Variants in PHAX observed in about 807,000 individuals in gnomAD.
PHAX encodes the protein phosphorylated adaptor for RNA export.
PHAX carries 31 observed loss-of-function variants against 41.6 expected under a neutral mutation model. The ratio of observed to expected loss-of-function variants is 0.75; its 90% CI spans 0.56 to 1.01. PHAX has a LOEUF of 1.01. Among genes scored for constraint, PHAX ranks in the 50% least tolerant of loss-of-function variants. The pLI, the probability that PHAX is intolerant of heterozygous loss-of-function variation, is 0.00. For synonymous variants in PHAX, 175 were observed against 164.9 expected (o/e 1.06, Z -0.47); for missense variants, 453 against 472.9 (o/e 0.96, Z 0.39).
chr5:126,607,424 G>GTT (rs935286410), intron 2 of PHAX, among the ~76,000 whole-genome samples: 8 of 113,134 alleles, frequency 7.1e-5, no homozygotes, highest in African/African-American at 2.7e-4. Context: ...TTGAGACGGA[G>GTT]TTTCACTCTC....
chr5:126,602,051 T>TA (rs1472651138), intron 1 of PHAX, among the ~76,000 whole-genome samples: 1 of 152,212 alleles, frequency 6.6e-6, no homozygotes, highest in African/African-American at 2.4e-5. Flanking sequence ...CCTCAGGTGA[T>TA]CCGCCCGCCT....
chr5:126,601,322 C>G (rs1243212166), intron 1 of PHAX, among the ~76,000 whole-genome samples: 1 of 151,792 alleles, frequency 6.6e-6, no homozygotes, highest in Non-Finnish European at 1.5e-5. Flanking sequence ...GAACTGGCTG[C>G]TCCCTGCGAG....
At chr5:126,601,121 G>A (rs1008026125) in intron 1 of PHAX, 63 bp downstream of exon 1, 2 of 1,235,820 alleles carry the variant, frequency 1.6e-6, no homozygotes, top group African/African-American at 1.5e-5. Context: ...CCCGGGGAGC[G>A]CGCAGGCAGC....
At chr5:126,609,205 A>G (rs945857367) in intron 3 of PHAX, among the ~76,000 whole-genome samples, 11 of 149,360 alleles carry the variant, frequency 7.4e-5, no homozygotes, top group African/African-American at 2.5e-4. Flanking sequence ...AGTTCAAGCA[A>G]TTCTCCTGCC....
rs1452210058 is a variant in PHAX at position 126,611,491 on chromosome 5, A to G, written c.831+3007A>G. On this transcript the variant is annotated intron_variant, in intron 3 of 4. Transcript: ENST00000297540. ...TCTATAAACAATAAATATAACTTCA[A>G]GTATGTTAAAAAGTGATACATTGAC... 2.6e-5 allele frequency among the ~76,000 whole-genome samples: 4 copies of G among 152,202 alleles called. No individual in the cohort carries two copies. The East Asian group carries it at 7.7e-4, about 29-fold the overall frequency.
intron 3 of PHAX, among the ~76,000 whole-genome samples, chr5:126,615,980 A>G (rs1004739419): frequency 6.6e-6 from 1 of 151,812 alleles, no homozygotes; most frequent in African/African-American, 2.4e-5. Context: ...ATATCTTGGT[A>G]TAAGACATGA....
At chr5:126,601,109 G>T in intron 1 of PHAX, 51 bp downstream of exon 1, 3 of 1,354,122 alleles carry the variant, frequency 2.2e-6, no homozygotes, top group Non-Finnish European at 3.1e-6. Flanking sequence ...CGGAGCCTGG[G>T]CCCCGGGGAG....
chr5:126,624,017 T>TG (rs1752310768), intron 4 of PHAX, among the ~76,000 whole-genome samples: 1 of 150,216 alleles, frequency 6.7e-6, no homozygotes, highest in African/African-American at 2.5e-5. Context: ...GGTTTTTTTT[T>TG]TTTTTTTTTG....
At position 126,601,013 on chromosome 5, in the gene PHAX, T is replaced by C. The variant is rs990595226; in HGVS notation, c.51T>C (p.Asp17=). Residue 17 remains aspartate, a synonymous_variant, in exon 1 of 5, where the codon GAT becomes GAC. Transcript: ENST00000297540. ...DMEDGQLSDS[D]SDMTVAPSDR... Reference sequence around the variant, plus strand: ...AAGATGGGCAGCTTTCCGACTCGGATTCCGACATGACGGTCGCACCCAGCG... The same window carrying C: ...AAGATGGGCAGCTTTCCGACTCGGACTCCGACATGACGGTCGCACCCAGCG... 3.1e-6 allele frequency: 5 copies of C among 1,606,512 alleles called. No individual in the cohort carries two copies. The highest frequency in any genetic ancestry group is 3.4e-6 in the Non-Finnish European group (4 of 1,176,708).
intron 3 of PHAX, among the ~76,000 whole-genome samples, chr5:126,610,165 G>A (rs867373772): frequency 8.5e-5 from 13 of 152,222 alleles, no homozygotes; most frequent in Admixed American, 2.6e-4. Context: ...AGTTCCTGGG[G>A]TGGTAGAGCA....
At chr5:126,606,874 C>T (rs1198161381) in intron 2 of PHAX, among the ~76,000 whole-genome samples, 1 of 152,010 alleles carries the variant, frequency 6.6e-6, no homozygotes, top group Non-Finnish European at 1.5e-5. Flanking sequence ...CCAGGCTGGT[C>T]TCAAACTTCT....
intron 4 of PHAX, among the ~76,000 whole-genome samples, chr5:126,620,653 A>G (rs1459129789): frequency 6.6e-6 from 1 of 152,190 alleles, no homozygotes; most frequent in African/African-American, 2.4e-5. Flanking sequence ...ATGTCAAACT[A>G]CCAGAAACTT....
At chr5:126,609,095 A>T (rs1285939663) in intron 3 of PHAX, among the ~76,000 whole-genome samples, 3 of 101,256 alleles carry the variant, frequency 3.0e-5, no homozygotes, top group Admixed American at 1.2e-4. Context: ...TAGGGGTTGA[A>T]TTTTTTTTTT....
intron 2 of PHAX, among the ~76,000 whole-genome samples, chr5:126,607,674 A>G (rs1246050060): frequency 2.0e-5 from 3 of 152,122 alleles, no homozygotes; most frequent in African/African-American, 7.2e-5. Flanking sequence ...AAATGCTGGG[A>G]TTATAGGTGT....
Position 126,603,820 on chromosome 5 carries a change from A to G in PHAX, c.347A>G (p.Asn116Ser), listed in dbSNP as rs1414117060. ...PPVAGGKKIN[N>S]IWGAVLQEQN... ...GTTGCTGGAGGAAAGAAGATTAACA[A>G]CATATGGGGTGCTGTGCTGCAGGAA... The change falls in exon 2 of 5, where the codon AAC becomes AGC. Residue 116 changes from asparagine (N) to serine (S), a missense_variant. Transcript: ENST00000297540. The G allele has an allele frequency of 1.2e-6, 2 of 1,614,120 alleles. No homozygotes were observed. Among genetic ancestry groups the G allele is most frequent in the East Asian group, 4.5e-5 (2 of 44,890 alleles).
At position 126,603,824 on chromosome 5, in the gene PHAX, A is replaced by C. The variant is rs913147435; in HGVS notation, c.351A>C (p.Ile117=). 1 of 1,614,054 alleles carries C rather than the reference A, an allele frequency of 6.2e-7. No individual in the cohort carries two copies. Among genetic ancestry groups the C allele is most frequent in the African/African-American group, 1.3e-5 (1 of 74,928 alleles). The part of the protein sequence containing the change: ...PVAGGKKINN[I]WGAVLQEQNQ... ...CTGGAGGAAAGAAGATTAACAACAT[A>C]TGGGGTGCTGTGCTGCAGGAACAGA... Residue 117 remains isoleucine (I), a synonymous_variant, in exon 2 of 5, where the codon ATA becomes ATC. Transcript: ENST00000297540.
chr5:126,611,059 T>C lies in PHAX; in HGVS notation c.831+2575T>C, dbSNP rs202070546. Among the ~76,000 whole-genome samples the C allele has an allele frequency of 8.6e-4, 77 of 89,300 alleles. 1 individual carries two copies. The East Asian group carries it at 9.8e-3, about 11-fold the overall frequency. The allele number at this position is 89,300 out of a possible 152,430, so 58.6% of individuals were successfully genotyped here. On this transcript the variant is annotated intron_variant, in intron 3 of 4. Coordinates refer to ENST00000297540, the MANE Select transcript of PHAX (RefSeq NM_032177.4). ...TTTTTTTTCTTTTCGTTTGTTTGTT[T>C]GTTTGTTTGTTTTGAGATGTAGTTT...
At chr5:126,604,387 C>G (rs939671077) in intron 2 of PHAX, among the ~76,000 whole-genome samples, 1 of 149,168 alleles carries the variant, frequency 6.7e-6, no homozygotes, top group Non-Finnish European at 1.5e-5. Flanking sequence ...ACCTCAGCCT[C>G]CTGAATAGCT....
intron 3 of PHAX, among the ~76,000 whole-genome samples, chr5:126,616,838 G>A (rs1270697728): frequency 1.4e-5 from 2 of 146,050 alleles, no homozygotes; most frequent in Admixed American, 1.4e-4. Flanking sequence ...CCGAGATCGC[G>A]CCATTTCACT....
Sources: gnomAD v4.1 joint callset for allele counts (sites outside exome capture counted in the v4.1 genomes callset) on GRCh38, gnomAD v4.1.1 for gene constraint, MANE v1.5 for transcripts, NCBI Gene and HGNC (gene_info 2026-07-23, HGNC 2026-07-21) for gene names.